FSIP1: variants seen among roughly 807,000 people sequenced by gnomAD.
FSIP1 encodes fibrous sheath-interacting protein 1.
A neutral mutation model predicts 60.9 loss-of-function variants in FSIP1; 65 were observed. The observed-to-expected ratio is 1.07, with a 90% CI of 0.87 to 1.31. FSIP1 has a LOEUF of 1.31. FSIP1 is among the 40% of genes most tolerant of loss of function. The pLI is 0.00. For synonymous variants in FSIP1, 209 were observed against 221.2 expected, an observed-to-expected ratio of 0.94 and a Z score of 0.49; for missense variants, 675 against 665.5, an observed-to-expected ratio of 1.01 and a Z score of -0.16.
intron 10 of FSIP1, among the ~76,000 whole-genome samples, chr15:39,632,686 A>C (rs1200550736): frequency 6.6e-6 from 1 of 152,052 alleles, no homozygotes; most frequent in Non-Finnish European, 1.5e-5. Flanking sequence ...CCAGCTACTC[A>C]GGAGTCTGAG....
intron 5 of FSIP1, among the ~76,000 whole-genome samples, chr15:39,757,085 A>G (rs1428059179): frequency 6.6e-6 from 1 of 152,140 alleles, no homozygotes; most frequent in African/African-American, 2.4e-5. Flanking sequence ...TGGACAATTT[A>G]CAAGTGCCTG....
intron 10 of FSIP1, among the ~76,000 whole-genome samples, chr15:39,686,444 A>T (rs1451190618): frequency 6.6e-6 from 1 of 152,290 alleles, no homozygotes; most frequent in Non-Finnish European, 1.5e-5. Flanking sequence ...CCAAACTGTC[A>T]ATATAAATTG....
intron 1 of FSIP1, among the ~76,000 whole-genome samples, chr15:39,778,205 A>G (rs1898126422): frequency 6.6e-6 from 1 of 152,196 alleles, no homozygotes; most frequent in Admixed American, 6.5e-5. Context: ...CAAAAGGCCA[A>G]ATGTCTTGTA....
intron 11 of FSIP1, among the ~76,000 whole-genome samples, chr15:39,605,349 C>T (rs1890784810): frequency 6.6e-6 from 1 of 152,088 alleles, no homozygotes; most frequent in Non-Finnish European, 1.5e-5. Flanking sequence ...CAAAAAACTC[C>T]CCAGATGATC....
intron 5 of FSIP1, among the ~76,000 whole-genome samples, chr15:39,745,087 C>T (rs992662484): frequency 1.1e-4 from 17 of 150,372 alleles, no homozygotes; most frequent in Non-Finnish European, 2.1e-4. Flanking sequence ...CAGATTCACG[C>T]GCCACCCCGC....
intron 2 of FSIP1, among the ~76,000 whole-genome samples, chr15:39,773,579 A>T (rs1248789135): frequency 6.6e-6 from 1 of 152,230 alleles, no homozygotes; most frequent in Non-Finnish European, 1.5e-5. Flanking sequence ...GCTTAAAAAA[A>T]TTGTCACCCA....
At chr15:39,729,097 T>C (rs912488851) in intron 8 of FSIP1, among the ~76,000 whole-genome samples, 3 of 152,148 alleles carry the variant, frequency 2.0e-5, no homozygotes, top group African/African-American at 7.2e-5. Flanking sequence ...AAATCACAGA[T>C]ACTGGCAAAG....
At chr15:39,728,726 C>G (rs1334425986) in intron 8 of FSIP1, among the ~76,000 whole-genome samples, 2 of 152,074 alleles carry the variant, frequency 1.3e-5, no homozygotes, top group African/African-American at 4.8e-5. Flanking sequence ...AATGAAGATG[C>G]CAAAAGCAAT....
intron 11 of FSIP1, among the ~76,000 whole-genome samples, chr15:39,606,680 T>C (rs1015610171): frequency 6.6e-6 from 1 of 152,212 alleles, no homozygotes; most frequent in Non-Finnish European, 1.5e-5. Flanking sequence ...AATTCCACTT[T>C]GTTTTTCTTA....
At chr15:39,738,056 A>G in intron 8 of FSIP1, 35 bp downstream of exon 8, 1 of 1,128,744 alleles carries the variant, frequency 8.9e-7, no homozygotes. Context: ...AATCTAAATT[A>G]AGAAGTGTAG....
In FSIP1 at chr15:39,600,893, C is replaced by T; in HGVS notation, c.1733G>A (p.Cys578Tyr). The T allele has an allele frequency of 6.2e-7, 1 of 1,610,062 alleles. No homozygotes were observed. Among genetic ancestry groups the T allele is most frequent in the Non-Finnish European group, 8.5e-7 (1 of 1,178,672 alleles). ...EQETKDAAEE[C>Y]KEP is the part of the protein sequence containing the mutation. ...GCAAGTCCTTGATTAGGGTTCTTTACATTCTTCTGCTGCATCTTTAGTCTC... is the reference window on the plus strand; with the variant it reads ...GCAAGTCCTTGATTAGGGTTCTTTATATTCTTCTGCTGCATCTTTAGTCTC... The change falls in exon 12 of 12, where the codon TGT (cysteine) becomes TAT (tyrosine). Residue 578 changes from cysteine to tyrosine, a missense_variant. Coordinates refer to ENST00000350221, the MANE Select transcript of FSIP1 (RefSeq NM_152597.5).
chr15:39,599,734 A>G (rs1370808286), downstream of FSIP1, among the ~76,000 whole-genome samples: 1 of 152,050 alleles, frequency 6.6e-6, no homozygotes, highest in African/African-American at 2.4e-5. Flanking sequence ...AGTGTGCCTC[A>G]TGGCATTCCT....
intron 1 of FSIP1, among the ~76,000 whole-genome samples, chr15:39,777,850 C>G (rs1245859955): frequency 6.6e-6 from 1 of 152,130 alleles, no homozygotes; most frequent in Non-Finnish European, 1.5e-5. Flanking sequence ...CTTTTCTTAC[C>G]CTACAAAATG....
chr15:39,696,911 TGTGTGTGTGTGTG>T (rs1894842165), intron 10 of FSIP1, among the ~76,000 whole-genome samples: 1 of 55,824 alleles, frequency 1.8e-5, no homozygotes, highest in Non-Finnish European at 5.7e-5. Context: ...TGTGTGTGTG[TGTGTGTGTGTGTG>T]TGTTGGGATG....
chr15:39,625,546 G>C (rs1566857441), intron 10 of FSIP1, among the ~76,000 whole-genome samples: 1 of 152,186 alleles, frequency 6.6e-6, no homozygotes. Flanking sequence ...ATTACCATTT[G>C]AGGATTGCCA....
intron 10 of FSIP1, among the ~76,000 whole-genome samples, chr15:39,690,596 C>A (rs1379500280): frequency 6.6e-6 from 1 of 152,206 alleles, no homozygotes; most frequent in Non-Finnish European, 1.5e-5. Context: ...GTTCCAAATA[C>A]CAGGTCGAAA....
At chr15:39,682,488 C>T (rs77959156) in intron 10 of FSIP1, among the ~76,000 whole-genome samples, 4,373 of 152,274 alleles carry the variant, frequency 0.029, 207 homozygotes, top group African/African-American at 0.099. Flanking sequence ...GCACAGCCCA[C>T]GGCATTCTCA....
At chr15:39,620,885 C>T (rs28377486) in intron 10 of FSIP1, among the ~76,000 whole-genome samples, 15 of 150,874 alleles carry the variant, frequency 9.9e-5, no homozygotes, top group Non-Finnish European at 1.6e-4. Context: ...AGATTACAGG[C>T]GTGAGCCACC....
At chr15:39,716,891 G>A (rs1304508769) in intron 9 of FSIP1, among the ~76,000 whole-genome samples, 5 of 130,838 alleles carry the variant, frequency 3.8e-5, no homozygotes, top group African/African-American at 8.7e-5. Flanking sequence ...CCTGGCTCCC[G>A]GCAACCTCTG....
Sources: allele counts gnomAD v4.1 joint callset (sites outside exome capture counted in the v4.1 genomes callset), GRCh38; gene constraint gnomAD v4.1.1; transcripts MANE v1.5; gene names NCBI Gene and HGNC (gene_info 2026-07-23, HGNC 2026-07-21).